AKR1C2: variants seen among roughly 807,000 people sequenced by gnomAD.
AKR1C2 encodes aldo-keto reductase family 1 member C2.
AKR1C2 carries 27 observed loss-of-function variants against 39.8 expected under a neutral mutation model. That is an observed-to-expected ratio of 0.68 (90% CI 0.50 to 0.93). AKR1C2 has a LOEUF of 0.93. Ranked by LOEUF, AKR1C2 falls within the 40% of genes least tolerant of loss-of-function variation. The probability of loss-of-function intolerance (pLI) is 0.00; values close to 1 mark genes in which losing one functional copy is unlikely to be tolerated. For missense variants in AKR1C2, 263 were observed against 365.1 expected (o/e 0.72, Z 2.28); for synonymous variants, 114 against 137.9 (o/e 0.83, Z 1.22).
chr10:4,992,710 G>T (rs564797952), intron 7 of AKR1C2, among the ~76,000 whole-genome samples: 16 of 147,560 alleles, frequency 1.1e-4, no homozygotes, highest in Middle Eastern at 3.4e-3. Context: ...TAGCACTTTG[G>T]GAGGCCAGCG....
At chr10:5,004,971 A>G (rs1554774267), upstream of AKR1C2, 1 of 148,618 alleles carries the variant, frequency 6.7e-6, no homozygotes, top group Non-Finnish European at 1.5e-5. Flanking sequence ...AGATTCCCAT[A>G]TAACTCATGG....
rs1316610033 is a variant in AKR1C2 at position 4,989,989 on chromosome 10, C to T, written c.*7G>A. On this transcript the variant is annotated 3_prime_UTR_variant, in exon 9 of 9. Transcript: ENST00000380753. The stretch of plus-strand genomic sequence containing the variant: ...CTTCTGGCAGACCTCATGCAATGCC[C>T]TCCATGTTAATATTCATCAGAAAAT... 1 of 1,610,344 alleles carries T rather than the reference C, an allele frequency of 6.2e-7. No homozygotes were observed. The highest frequency in any genetic ancestry group is 8.5e-7 in the Non-Finnish European group (1 of 1,178,106).
At chr10:5,014,340 G>A (rs1446796799) in intron 1 of AKR1C2, among the ~76,000 whole-genome samples, 10 of 152,122 alleles carry the variant, frequency 6.6e-5, no homozygotes, top group Non-Finnish European at 1.0e-4. Flanking sequence ...TACTGGGCTC[G>A]TTTTTAGCAC....
At chr10:5,012,980 T>C (rs1837553754) in intron 1 of AKR1C2, among the ~76,000 whole-genome samples, 1 of 152,214 alleles carries the variant, frequency 6.6e-6, no homozygotes, top group Admixed American at 6.5e-5. Flanking sequence ...TACACTTCTG[T>C]ATCTAATTCT....
chr10:5,007,430 G>A (rs193049475), upstream of AKR1C2: 1 of 152,024 alleles, frequency 6.6e-6, no homozygotes, highest in Non-Finnish European at 1.5e-5. Context: ...GTTTCTGTAT[G>A]GAACTGAAGT....
At position 5,000,559 on chromosome 10, in the gene AKR1C2, C is replaced by A. The variant is rs550970188; in HGVS notation, c.360G>T (p.Val120=). The change falls in exon 3 of 9, where the codon GTG becomes GTT. Residue 120 remains valine (V), a synonymous_variant. Transcript: ENST00000380753. ...YVDLYLIHFP[V]SVKPGEEVIP... is the part of the protein sequence containing the mutation. ...CACACAAGCTGCCTACCTTTACAGA[C>A]ACTGGAAAATGAATAAGATAGAGGT... 7 of 1,613,738 alleles carry A rather than the reference C, an allele frequency of 4.3e-6. No homozygotes were observed. The highest frequency in any genetic ancestry group is 1.6e-4 in the Middle Eastern group (1 of 6,084).
intron 1 of AKR1C2, among the ~76,000 whole-genome samples, chr10:5,011,117 G>T (rs1554774885): frequency 1.3e-5 from 2 of 150,470 alleles, no homozygotes; most frequent in Middle Eastern, 3.5e-3. Flanking sequence ...ATCTAATAGG[G>T]CACTGATATC....
chr10:4,989,423 T>A lies in AKR1C2; in HGVS notation c.*573A>T, dbSNP rs1836762070. 6.7e-6 allele frequency: 1 copy of A among 149,354 alleles called. No homozygotes were observed. The highest frequency in any genetic ancestry group is 1.5e-5 in the Non-Finnish European group (1 of 67,080). 9.3% of individuals were successfully genotyped at this position (149,354 alleles called of 1,614,324 possible). On this transcript the variant is annotated 3_prime_UTR_variant, in exon 9 of 9. Transcript: ENST00000380753. Reference sequence around the variant, plus strand: ...CTTCTAATCACTTTTCCTGGTGCCCTCCCATCTCCCTAACCCCCCCTCACA... The same window carrying A: ...CTTCTAATCACTTTTCCTGGTGCCCACCCATCTCCCTAACCCCCCCTCACA...
rs1416242901 is a variant in AKR1C2, at chr10:4,989,621, AG to A, written c.*374del. 122 of 239,774 alleles carry A rather than the reference AG, an allele frequency of 5.1e-4. No homozygotes were observed. The highest frequency in any genetic ancestry group is 2.6e-3 in the African/African-American group (108 of 42,128). The allele number at this position is 239,774 out of a possible 1,614,324, so 14.9% of individuals were successfully genotyped here. On this transcript the variant is annotated 3_prime_UTR_variant, in exon 9 of 9. Transcript: ENST00000380753. ...TACCTGTCACCTGCCCCTTTCCCAG[AG>A]GGTGAAACTCCACCCACTCCCACTG...
chr10:5,016,492 T>A (rs1252093993), intron 1 of AKR1C2, among the ~76,000 whole-genome samples: 1 of 152,210 alleles, frequency 6.6e-6, no homozygotes, highest in Non-Finnish European at 1.5e-5. Context: ...CCATGTCTCA[T>A]ATCAAGGCCA....
intron 1 of AKR1C2, among the ~76,000 whole-genome samples, chr10:5,017,299 A>G (rs1249630007): frequency 5.9e-5 from 9 of 152,186 alleles, no homozygotes; most frequent in Non-Finnish European, 1.0e-4. Flanking sequence ...TCCCTTTTAA[A>G]TATGAGTTCC....
intron 7 of AKR1C2, among the ~76,000 whole-genome samples, chr10:4,992,568 TA>T (rs1836876822): frequency 6.6e-6 from 1 of 152,050 alleles, no homozygotes; most frequent in African/African-American, 2.4e-5. Context: ...TGAATGTAGG[TA>T]AGAAGATTTG....
intron 8 of AKR1C2, among the ~76,000 whole-genome samples, chr10:4,990,268 A>T (rs1357234256): frequency 2.0e-5 from 3 of 152,234 alleles, no homozygotes; most frequent in Non-Finnish European, 2.9e-5. Context: ...AACACATAAA[A>T]CACACAAAGT....
chr10:5,002,880 A>T (rs1837314428), intron 1 of AKR1C2, among the ~76,000 whole-genome samples: 1 of 152,152 alleles, frequency 6.6e-6, no homozygotes, highest in African/African-American at 2.4e-5. Flanking sequence ...ATGCCAATTT[A>T]TATTACAAAA....
intron 1 of AKR1C2, among the ~76,000 whole-genome samples, chr10:5,014,590 T>C (rs1837598164): frequency 6.6e-6 from 1 of 152,190 alleles, no homozygotes; most frequent in Non-Finnish European, 1.5e-5. Flanking sequence ...CTCAAGAGGA[T>C]ACTGGGATTT....
chr10:5,006,896 C>G (rs533575673), upstream of AKR1C2, among the ~76,000 whole-genome samples: 79 of 151,738 alleles, frequency 5.2e-4, no homozygotes, highest in Non-Finnish European at 8.7e-4. Flanking sequence ...GCCTCAGCCT[C>G]CTGAGTAGCT....
chr10:5,000,322 G>T (rs1837218135), intron 3 of AKR1C2: 1 of 1,512,494 alleles, frequency 6.6e-7, no homozygotes, highest in Non-Finnish European at 8.8e-7. Context: ...TGAGGCAGAG[G>T]CTTTGAGGAT....
chr10:4,997,685 A>G (rs1302330265), intron 5 of AKR1C2, among the ~76,000 whole-genome samples: 1 of 152,184 alleles, frequency 6.6e-6, no homozygotes, highest in Non-Finnish European at 1.5e-5. Flanking sequence ...TAGTATTAAA[A>G]CCACATTAAT....
At chr10:5,008,919 G>A (rs12782301), upstream of AKR1C2, among the ~76,000 whole-genome samples, 2 of 152,226 alleles carry the variant, frequency 1.3e-5, no homozygotes, top group African/African-American at 2.4e-5. Flanking sequence ...GGGGTGAAGA[G>A]GTTCTATGTG....
Sources: gnomAD v4.1 joint callset for allele counts (sites outside exome capture counted in the v4.1 genomes callset) on GRCh38, gnomAD v4.1.1 for gene constraint, MANE v1.5 for transcripts, NCBI Gene and HGNC (gene_info 2026-07-23, HGNC 2026-07-21) for gene names.